The following DDX60 variants were observed in gnomAD, a reference collection of about 807,000 sequenced individuals.
The protein encoded by DDX60 is DExD/H-box helicase 60, also known as probable ATP-dependent RNA helicase DDX60.
Under a neutral mutation model 212.8 loss-of-function variants are expected in DDX60, and 165 were observed. That is an observed-to-expected ratio of 0.78 (90% CI 0.68 to 0.88). The LOEUF is 0.88. Ranked by LOEUF, DDX60 falls within the 40% of genes least tolerant of loss-of-function variation. The probability of loss-of-function intolerance (pLI) is 0.00; values close to 1 mark genes in which losing one functional copy is unlikely to be tolerated. For missense variants in DDX60, 1,905 were observed against 2,003.9 expected (o/e 0.95, Z 0.94); for synonymous variants, 703 against 685.3 (o/e 1.03, Z -0.40).
intron 30 of DDX60, among the ~76,000 whole-genome samples, chr4:168,245,003 T>C (rs560111047): frequency 6.6e-6 from 1 of 152,304 alleles, no homozygotes; most frequent in East Asian, 1.9e-4. Flanking sequence ...GATCTCTTCT[T>C]CATTTAAAAA....
In DDX60 at chr4:168,248,177, T is replaced by A. The variant is rs763677086; in HGVS notation, c.3963+11A>T. ...GCAATACAATAAGCAAGTTTATGCA[T>A]TTTGCAATACCTGTCTATAATTCAA... is the stretch of plus-strand genomic sequence containing the variant. On this transcript the variant is annotated intron_variant, in intron 29 of 37. Transcript: ENST00000393743. 3 of 1,577,296 alleles carry A rather than the reference T, an allele frequency of 1.9e-6. No homozygotes were observed.
intron 6 of DDX60, among the ~76,000 whole-genome samples, chr4:168,297,047 A>G (rs2149539954): frequency 6.6e-6 from 1 of 151,706 alleles, no homozygotes; most frequent in African/African-American, 2.4e-5. Flanking sequence ...AGTAGCTGGG[A>G]CTACAGGCAT....
intron 27 of DDX60, 132 bp downstream of exon 27, chr4:168,252,377 T>A: frequency 9.2e-7 from 1 of 1,086,060 alleles, no homozygotes; most frequent in Non-Finnish European, 1.3e-6. Flanking sequence ...TAAAGGAGAG[T>A]TCTCTTTTGG....
At chr4:168,267,805 T>A (rs1234093676) in intron 21 of DDX60, 36 bp downstream of exon 21, 1 of 1,560,500 alleles carries the variant, frequency 6.4e-7, no homozygotes, top group East Asian at 2.3e-5. Flanking sequence ...AATAATAAAA[T>A]AAAAGGCAAG....
chr4:168,282,409 G>T (rs1259113974), intron 13 of DDX60, among the ~76,000 whole-genome samples: 1 of 152,126 alleles, frequency 6.6e-6, no homozygotes, highest in Non-Finnish European at 1.5e-5. Flanking sequence ...ACATTTTCCT[G>T]ATCTTGCCAA....
At chr4:168,246,658 A>G in intron 29 of DDX60, 40 bp from the exon 30 acceptor site, 1 of 1,598,212 alleles carries the variant, frequency 6.3e-7, no homozygotes, top group Non-Finnish European at 8.6e-7. Flanking sequence ...ACTTCCCTAA[A>G]TGCTTCTACT....
chr4:168,236,895 G>C (rs1376660364), intron 32 of DDX60, among the ~76,000 whole-genome samples: 1 of 151,518 alleles, frequency 6.6e-6, no homozygotes, highest in Non-Finnish European at 1.5e-5. Context: ...GTGATTATCT[G>C]TGGATAGTGT....
At chr4:168,259,049 A>G (rs1734523170) in intron 25 of DDX60, among the ~76,000 whole-genome samples, 1 of 152,112 alleles carries the variant, frequency 6.6e-6, no homozygotes, top group Non-Finnish European at 1.5e-5. Flanking sequence ...CCAATTCACT[A>G]TGTAAGTGTC....
chr4:168,232,629 C>T (rs558230666), intron 33 of DDX60, among the ~76,000 whole-genome samples: 11 of 151,958 alleles, frequency 7.2e-5, no homozygotes, highest in South Asian at 2.1e-4. Flanking sequence ...CTATTCAACA[C>T]GTGGTGCTGG....
At chr4:168,226,190 T>C (rs1448580465) in intron 33 of DDX60, among the ~76,000 whole-genome samples, 2 of 152,166 alleles carry the variant, frequency 1.3e-5, no homozygotes, top group Non-Finnish European at 2.9e-5. Context: ...GGTTTTGGTA[T>C]TAAAGCTAAC....
intron 16 of DDX60, among the ~76,000 whole-genome samples, chr4:168,274,831 G>A (rs1735261386): frequency 6.6e-6 from 1 of 152,150 alleles, no homozygotes; most frequent in Non-Finnish European, 1.5e-5. Context: ...AGGCAAACAT[G>A]TTCAATTTAT....
intron 33 of DDX60, among the ~76,000 whole-genome samples, chr4:168,226,750 G>A (rs1169101647): frequency 2.0e-5 from 3 of 152,006 alleles, no homozygotes; most frequent in Non-Finnish European, 4.4e-5. Flanking sequence ...AAGAATTGGA[G>A]GTCATTATGT....
chr4:168,274,001 T>C lies in DDX60; in HGVS notation c.2387A>G (p.Tyr796Cys), dbSNP rs1674564389. 6.2e-7 allele frequency: 1 copy of C among 1,614,042 alleles called. No homozygotes were observed. The highest frequency in any genetic ancestry group is 1.3e-5 in the African/African-American group (1 of 74,940). The change falls in exon 17 of 38, where the codon TAC (tyrosine) becomes TGC (cysteine). Residue 796 changes from tyrosine (Y) to cysteine (C), a missense_variant. Transcript: ENST00000393743. ...CTTCAGCACTTTCTCCATACAGTAG[T>C]AGGAGGCATAGGTTTTGCCTGAGGA... ...PTSSGKTYAS[Y>C]YCMEKVLKES... is the part of the protein sequence containing the mutation.
chr4:168,299,133 C>T lies in DDX60; in HGVS notation c.723+3167G>A, dbSNP rs141215301. ...CCGAGATTGTGCCACTGCACTCTGG[C>T]CTGGCGACAGAGCGAGACTGTCTCA... On this transcript the variant is annotated intron_variant, in intron 6 of 37. Coordinates refer to ENST00000393743, the MANE Select transcript of DDX60 (RefSeq NM_017631.6). Among the ~76,000 whole-genome samples the T allele has an allele frequency of 6.2e-3, 800 of 130,032 alleles. 5 individuals carry two copies. The highest frequency in any genetic ancestry group is 9.6e-3 in the Non-Finnish European group (620 of 64,298). 85.3% of individuals were successfully genotyped at this position (130,032 alleles called of 152,430 possible).
rs759054161 is a variant in DDX60 at position 168,283,424 on chromosome 4, G to A, written c.1722+22C>T. ...AAAGAAAAGGAAAATTTTTTTAATT[G>A]GATAGAATTTATAGAACCTACGTGT... On this transcript the variant is annotated intron_variant, in intron 13 of 37. Transcript: ENST00000393743. The A allele has an allele frequency of 1.9e-6, 3 of 1,602,516 alleles. No homozygotes were observed. The South Asian group carries it at 3.4e-5, about 18-fold the overall frequency.
At chr4:168,248,949 A>G (rs112896170) in intron 28 of DDX60, among the ~76,000 whole-genome samples, 9,884 of 152,090 alleles carry the variant, frequency 0.065, 472 homozygotes, top group East Asian at 0.15. Flanking sequence ...TAGTAGAGAC[A>G]GAGTTTCACC....
At chr4:168,285,579 C>T in intron 10 of DDX60, 81 bp from the exon 11 acceptor site, 1 of 819,906 alleles carries the variant, frequency 1.2e-6, no homozygotes, top group Non-Finnish European at 1.9e-6. Flanking sequence ...TTTTCTAAAA[C>T]TTCATATTAA....
chr4:168,230,464 CAACAA>C (rs1733409675), intron 33 of DDX60, among the ~76,000 whole-genome samples: 1 of 151,800 alleles, frequency 6.6e-6, no homozygotes, highest in Admixed American at 6.6e-5. Flanking sequence ...ATATGATAGG[CAACAA>C]AACAAGCCTC....
At chr4:168,256,321 T>C (rs1418448666) in intron 25 of DDX60, among the ~76,000 whole-genome samples, 1 of 152,170 alleles carries the variant, frequency 6.6e-6, no homozygotes, top group Non-Finnish European at 1.5e-5. Context: ...AAAATTGTTC[T>C]TTTGGTAGAA....
Sources: gnomAD v4.1 joint callset for allele counts (sites outside exome capture counted in the v4.1 genomes callset) on GRCh38, gnomAD v4.1.1 for gene constraint, MANE v1.5 for transcripts, NCBI Gene and HGNC (gene_info 2026-07-23, HGNC 2026-07-21) for gene names.